Variants in SPIDR observed in about 807,000 individuals in gnomAD.
SPIDR encodes the protein scaffold protein involved in DNA repair.
SPIDR carries 93 observed loss-of-function variants against 104.6 expected under a neutral mutation model. That is an observed-to-expected ratio of 0.89 (90% CI 0.75 to 1.06). SPIDR has a LOEUF of 1.06. Ranked by LOEUF, SPIDR falls within the 50% of genes least tolerant of loss-of-function variation. SPIDR has a pLI of 0.00. For synonymous variants in SPIDR, 431 were observed against 416.9 expected (o/e 1.03, Z -0.41); for missense variants, 1,154 against 1,111.2 (o/e 1.04, Z -0.55).
chr8:47,267,794 T>G (rs534269711), intron 1 of SPIDR, among the ~76,000 whole-genome samples: 14 of 152,332 alleles, frequency 9.2e-5, no homozygotes, highest in African/African-American at 3.4e-4. Context: ...ATTCTTTGGG[T>G]TTTCTTTTCA....
At chr8:47,435,662 C>A (rs373837764) in intron 7 of SPIDR, among the ~76,000 whole-genome samples, 11 of 152,180 alleles carry the variant, frequency 7.2e-5, no homozygotes, top group African/African-American at 2.2e-4. Flanking sequence ...TAGCACTTGA[C>A]AAGTTATCTT....
In SPIDR at chr8:47,368,527, G is replaced by GC. The variant is rs542534118; in HGVS notation, c.526-27848dup. ...TCTTGCCAGCCATCTTGGTAAACAT[G>GC]CTGTGGTCTTGATGAGACAAGAAAA... On this transcript the variant is annotated intron_variant, in intron 5 of 19. Coordinates refer to ENST00000297423, the MANE Select transcript of SPIDR (RefSeq NM_001080394.4). 5.3e-5 allele frequency among the ~76,000 whole-genome samples: 8 copies of GC among 152,230 alleles called. No individual in the cohort carries two copies. In the South Asian group the frequency reaches 1.7e-3, roughly 32 times the overall value.
intron 8 of SPIDR, among the ~76,000 whole-genome samples, chr8:47,466,010 C>G (rs1411357768): frequency 6.6e-6 from 1 of 152,092 alleles, no homozygotes; most frequent in Admixed American, 6.5e-5. Context: ...ACAGGAGCAC[C>G]TAGATCCGTA....
intron 8 of SPIDR, among the ~76,000 whole-genome samples, chr8:47,536,195 T>C (rs577949670): frequency 6.6e-6 from 1 of 152,196 alleles, no homozygotes; most frequent in African/African-American, 2.4e-5. Flanking sequence ...GAAGACTCAA[T>C]GTTATTAAGA....
intron 11 of SPIDR, among the ~76,000 whole-genome samples, chr8:47,675,256 A>C (rs932666418): frequency 6.6e-6 from 1 of 152,022 alleles, no homozygotes; most frequent in African/African-American, 2.4e-5. Context: ...GGCTGGTCTC[A>C]AACTCCTGAC....
intron 8 of SPIDR, among the ~76,000 whole-genome samples, chr8:47,587,982 G>A (rs1198207677): frequency 8.2e-6 from 1 of 122,384 alleles, no homozygotes; most frequent in Non-Finnish European, 1.6e-5. Flanking sequence ...AATTGTTTTA[G>A]CTATGTTAGT....
intron 8 of SPIDR, among the ~76,000 whole-genome samples, chr8:47,538,486 A>G (rs1366318431): frequency 6.6e-6 from 1 of 152,064 alleles, no homozygotes; most frequent in Non-Finnish European, 1.5e-5. Context: ...GGAGGTTGCA[A>G]TGAGACGAGA....
chr8:47,453,325 C>T (rs1015890550), intron 8 of SPIDR, among the ~76,000 whole-genome samples: 9 of 152,170 alleles, frequency 5.9e-5, no homozygotes, highest in Non-Finnish European at 1.0e-4. Context: ...CCACCCTCAT[C>T]GAGCTATGAA....
At chr8:47,322,342 C>T (rs1554596624) in intron 5 of SPIDR, among the ~76,000 whole-genome samples, 1 of 152,208 alleles carries the variant, frequency 6.6e-6, no homozygotes, top group Non-Finnish European at 1.5e-5. Context: ...AAAAGATGCT[C>T]ATCATCCCTG....
chr8:47,263,369 C>G (rs1421992848), intron 1 of SPIDR, among the ~76,000 whole-genome samples: 1 of 152,178 alleles, frequency 6.6e-6, no homozygotes, highest in Admixed American at 6.5e-5. Flanking sequence ...AATGCCAGTT[C>G]TCCCATTTCT....
intron 10 of SPIDR, among the ~76,000 whole-genome samples, chr8:47,608,071 A>G (rs891164885): frequency 6.6e-6 from 1 of 152,208 alleles, no homozygotes; most frequent in African/African-American, 2.4e-5. Context: ...ACTTTCTGCA[A>G]CCTCAAAAAG....
chr8:47,676,792 C>T (rs942057561), intron 11 of SPIDR, among the ~76,000 whole-genome samples: 5 of 152,202 alleles, frequency 3.3e-5, no homozygotes, highest in African/African-American at 7.2e-5. Context: ...CAGCCCTACC[C>T]GCTGTTGAAT....
intron 8 of SPIDR, among the ~76,000 whole-genome samples, chr8:47,491,528 T>C (rs1436440849): frequency 1.3e-5 from 2 of 151,472 alleles, no homozygotes; most frequent in African/African-American, 2.4e-5. Context: ...TCTGAAAGAA[T>C]TTCAAAAAAA....
intron 8 of SPIDR, among the ~76,000 whole-genome samples, chr8:47,443,591 AC>A (rs1340989334): frequency 0.024 from 3,498 of 145,850 alleles, 144 homozygotes; most frequent in African/African-American, 0.088. Flanking sequence ...AAAAAAAAAA[AC>A]ACCTCATACT....
At chr8:47,340,631 C>A (rs1364280923) in intron 5 of SPIDR, among the ~76,000 whole-genome samples, 5 of 152,156 alleles carry the variant, frequency 3.3e-5, no homozygotes, top group South Asian at 2.1e-4. Flanking sequence ...ACCAAAAAAA[C>A]CCCAAAAATC....
chr8:47,265,352 C>A (rs34985123), intron 1 of SPIDR, among the ~76,000 whole-genome samples: 1 of 151,704 alleles, frequency 6.6e-6, no homozygotes. Context: ...CTGTGCCTGG[C>A]TAATATTTAA....
chr8:47,704,857 A>G (rs1383879168), intron 14 of SPIDR, among the ~76,000 whole-genome samples: 1 of 152,156 alleles, frequency 6.6e-6, no homozygotes, highest in Non-Finnish European at 1.5e-5. Context: ...GAGGCAGGGC[A>G]CGTGCTATGT....
intron 5 of SPIDR, among the ~76,000 whole-genome samples, chr8:47,294,611 A>G (rs920094399): frequency 6.6e-6 from 1 of 152,086 alleles, no homozygotes; most frequent in South Asian, 2.1e-4. Flanking sequence ...CGTTTATTAC[A>G]CTGAAAGGAT....
chr8:47,465,362 T>C (rs1254421723), intron 8 of SPIDR, among the ~76,000 whole-genome samples: 2 of 152,110 alleles, frequency 1.3e-5, no homozygotes, highest in Non-Finnish European at 2.9e-5. Flanking sequence ...TCCACACATA[T>C]CAATACGAAC....
Sources: gnomAD v4.1 joint callset for allele counts (sites outside exome capture counted in the v4.1 genomes callset) on GRCh38, gnomAD v4.1.1 for gene constraint, MANE v1.5 for transcripts, NCBI Gene and HGNC (gene_info 2026-07-23, HGNC 2026-07-21) for gene names.